Variants in ARID4A observed in about 807,000 individuals in gnomAD.
ARID4A encodes the protein AT-rich interactive domain-containing protein 4A.
In ARID4A, 39 loss-of-function variants were observed where a neutral mutation model predicts 148.6. The ratio of observed to expected loss-of-function variants is 0.26; its 90% CI spans 0.20 to 0.34. ARID4A has a LOEUF of 0.34. Ranked by LOEUF, ARID4A falls within the 10% of genes least tolerant of loss-of-function variation. The probability of loss-of-function intolerance (pLI) is 1.00; values close to 1 mark genes in which losing one functional copy is unlikely to be tolerated. For missense variants in ARID4A, 1,265 were observed against 1,449.1 expected (o/e 0.87, Z 2.06); for synonymous variants, 475 against 481.2 (o/e 0.99, Z 0.17).
At position 58,306,026 on chromosome 14, in the gene ARID4A, G is replaced by C. The variant is rs142407317; in HGVS notation, c.188G>C (p.Gly63Ala). 1 of 1,612,912 alleles carries C rather than the reference G, an allele frequency of 6.2e-7. No individual in the cohort carries two copies. Among genetic ancestry groups the C allele is most frequent in the Non-Finnish European group, 8.5e-7 (1 of 1,179,182 alleles). Residue 63 changes from glycine (G) to alanine (A), a missense_variant, in exon 5 of 24, where the codon GGA becomes GCA. Gly to Ala is a moderately conservative substitution (Grantham distance 60, BLOSUM62 0). Around this residue, in one of 9 missense-constraint regions of ARID4A, gnomAD observed 59 missense variants for 49.8 expected, o/e 1.18. Coordinates refer to ENST00000355431, the MANE Select transcript of ARID4A (RefSeq NM_002892.4). Reference sequence around the variant, plus strand: ...AATTGGGATTTCACATTTTAGGTTGGAGCTATTGTTGAAACAAGGACATCT... The same window carrying C: ...AATTGGGATTTCACATTTTAGGTTGCAGCTATTGTTGAAACAAGGACATCT... ...DDQVKGPLRV[G>A]AIVETRTSDG...
intron 9 of ARID4A, among the ~76,000 whole-genome samples, chr14:58,328,593 A>G (rs979837185): frequency 2.6e-5 from 4 of 152,176 alleles, no homozygotes; most frequent in Non-Finnish European, 4.4e-5. Flanking sequence ...GTAAAATTCT[A>G]TATTTTTATC....
intron 14 of ARID4A, 123 bp from the exon 15 acceptor site, chr14:58,347,523 GA>G (rs2034430442): frequency 1.4e-6 from 1 of 698,116 alleles, no homozygotes; most frequent in East Asian, 2.9e-5. Flanking sequence ...TAGTAACACA[GA>G]AAAGAGTAAC....
At chr14:58,367,313 A>G (rs2035399882) in intron 23 of ARID4A, among the ~76,000 whole-genome samples, 1 of 152,212 alleles carries the variant, frequency 6.6e-6, no homozygotes, top group Admixed American at 6.5e-5. Flanking sequence ...TTGCTCAAAC[A>G]TTTATTGGCA....
intron 9 of ARID4A, 55 bp downstream of exon 9, chr14:58,328,371 A>G: frequency 1.8e-6 from 2 of 1,137,748 alleles, no homozygotes; most frequent in South Asian, 1.3e-5. Flanking sequence ...AAATAGAATT[A>G]CAATGATAGA....
intron 1 of ARID4A, chr14:58,299,183 CCT>C (rs2030877636): frequency 1.3e-5 from 2 of 152,402 alleles, no homozygotes; most frequent in Non-Finnish European, 2.9e-5. Flanking sequence ...CACCTCCCCT[CCT>C]CCTCCCCTCC....
intron 18 of ARID4A, among the ~76,000 whole-genome samples, chr14:58,360,072 AAAAAAAAAAATCTTGATTCTT>A (rs965290207): frequency 5.3e-5 from 8 of 152,112 alleles, no homozygotes; most frequent in Non-Finnish European, 1.0e-4. Flanking sequence ...TCTCAAAAAA[AAAAAAAAAAATCTTGATTCTT>A]GACAGATAAT....
chr14:58,325,201 C>T (rs1300684115), intron 8 of ARID4A, among the ~76,000 whole-genome samples: 1 of 152,174 alleles, frequency 6.6e-6, no homozygotes, highest in Non-Finnish European at 1.5e-5. Flanking sequence ...TCCTCCACTT[C>T]TTCATCCCCT....
chr14:58,312,944 C>G (rs893455335), intron 5 of ARID4A, among the ~76,000 whole-genome samples: 1 of 152,118 alleles, frequency 6.6e-6, no homozygotes, highest in African/African-American at 2.4e-5. Context: ...CTTTCAGTAT[C>G]AGTGCTGTGA....
At chr14:58,346,305 C>T in intron 12 of ARID4A, 106 bp from the exon 13 acceptor site, 1 of 659,166 alleles carries the variant, frequency 1.5e-6, no homozygotes. Context: ...TAAATATGTG[C>T]CTCTAATTAA....
intron 11 of ARID4A, among the ~76,000 whole-genome samples, chr14:58,343,215 A>G (rs1331081488): frequency 6.6e-6 from 1 of 152,244 alleles, no homozygotes; most frequent in Non-Finnish European, 1.5e-5. Context: ...ACTACTTTAT[A>G]GTGATTATTA....
At chr14:58,318,446 T>A in intron 5 of ARID4A, 96 bp from the exon 6 acceptor site, 1 of 1,167,998 alleles carries the variant, frequency 8.6e-7, no homozygotes, top group Non-Finnish European at 1.3e-6. Flanking sequence ...CTTACAAATA[T>A]TAAGCTCTAA....
At position 58,366,876 on chromosome 14, in the gene ARID4A, CT is replaced by C. The variant is rs2035380309; in HGVS notation, c.3524-3del. Reference sequence around the variant, plus strand: ...AAATCCAAATTAACTTCTTTCCCCCCTTTTAGATGAATTAGATAATATGAAC... The same window carrying C: ...AAATCCAAATTAACTTCTTTCCCCCCTTTAGATGAATTAGATAATATGAAC... On this transcript the variant is annotated splice_region_variant and splice_polypyrimidine_tract_variant and intron_variant, in intron 22 of 23. Transcript: ENST00000355431. The C allele has an allele frequency of 1.3e-6, 2 of 1,490,480 alleles. No homozygotes were observed. Among genetic ancestry groups the C allele is most frequent in the South Asian group, 1.4e-5 (1 of 69,920 alleles). 92.3% of individuals were successfully genotyped at this position (1,490,480 alleles called of 1,614,324 possible).
chr14:58,355,077 G>A (rs1364695255), intron 17 of ARID4A, among the ~76,000 whole-genome samples: 1 of 152,194 alleles, frequency 6.6e-6, no homozygotes, highest in African/African-American at 2.4e-5. Flanking sequence ...CCAAGGCCCA[G>A]CTGATAGTGC....
intron 11 of ARID4A, chr14:58,331,630 T>C (rs2033525342): frequency 6.6e-6 from 1 of 152,198 alleles, no homozygotes; most frequent in Non-Finnish European, 1.5e-5. Context: ...AACCAAGCGA[T>C]ATTCTTTCTT....
intron 23 of ARID4A, among the ~76,000 whole-genome samples, chr14:58,371,308 A>G (rs139827058): frequency 5.7e-4 from 87 of 152,302 alleles, no homozygotes; most frequent in Admixed American, 2.1e-3. Context: ...GCAAGGAAAG[A>G]GAAGATAAAA....
In ARID4A at chr14:58,364,490, G is replaced by T; in HGVS notation, c.2401G>T (p.Asp801Tyr). Residue 801 changes from aspartate to tyrosine, a missense_variant, in exon 20 of 24, where the codon GAT (aspartate) becomes TAT (tyrosine). Asp to Tyr is a radical substitution (Grantham distance 160). Around this residue, in one of 9 missense-constraint regions of ARID4A, gnomAD observed 666 missense variants for 730.9 expected, o/e 0.91. Transcript: ENST00000355431. ...KGKGRRSKTK[D>Y]LSLEIIKISS... ...AAAGGGAAGACGAAGCAAGACAAAA[G>T]ATCTTTCTTTAGAAATTATAAAGAT... 1.2e-6 allele frequency: 2 copies of T among 1,612,432 alleles called. No homozygotes were observed. The highest frequency in any genetic ancestry group is 1.7e-6 in the Non-Finnish European group (2 of 1,179,710).
Position 58,324,125 on chromosome 14 carries a change from C to T in ARID4A, c.582+508C>T, listed in dbSNP as rs935508110. On this transcript the variant is annotated intron_variant, in intron 8 of 23. Coordinates refer to ENST00000355431, the MANE Select transcript of ARID4A (RefSeq NM_002892.4). ...TTCACCATGTTAGCCAGGATGGTCT[C>T]GATCTCCTGACCTCATGGTCCGCCC... Among the ~76,000 whole-genome samples the T allele has an allele frequency of 3.4e-4, 51 of 152,068 alleles. No homozygotes were observed. The East Asian group carries it at 5.2e-3, about 16-fold the overall frequency.
In ARID4A at chr14:58,332,123, A is replaced by G. The variant is rs557664037; in HGVS notation, c.906+1954A>G. Reference sequence around the variant, plus strand: ...TGCTCTTATTACAATGATTAATTTCATAAATATTGTAATGTTTTATTCAAG... The same window carrying G: ...TGCTCTTATTACAATGATTAATTTCGTAAATATTGTAATGTTTTATTCAAG... On this transcript the variant is annotated intron_variant, in intron 11 of 23. Transcript: ENST00000355431. Among the ~76,000 whole-genome samples the G allele has an allele frequency of 5.3e-5, 8 of 151,730 alleles. No homozygotes were observed. In the South Asian group the frequency reaches 1.5e-3, roughly 28 times the overall value.
intron 16 of ARID4A, among the ~76,000 whole-genome samples, chr14:58,351,875 C>T (rs1748778269): frequency 6.6e-6 from 1 of 152,120 alleles, no homozygotes; most frequent in Non-Finnish European, 1.5e-5. Context: ...ATCCTGTTTG[C>T]TGTTGAGTAA....
Sources: gnomAD v4.1 joint callset for allele counts (sites outside exome capture counted in the v4.1 genomes callset) on GRCh38, gnomAD v4.1.1 for gene constraint, gnomAD v4.1.1 regional missense constraint, MANE v1.5 for transcripts, NCBI Gene and HGNC (gene_info 2026-07-23, HGNC 2026-07-21) for gene names.